Variants in ESCO1 observed in about 807,000 individuals in gnomAD.
ESCO1 encodes N-acetyltransferase ESCO1.
A neutral mutation model predicts 83.5 loss-of-function variants in ESCO1; 33 were observed. The observed-to-expected ratio is 0.40, with a 90% CI of 0.30 to 0.53. ESCO1 has a LOEUF of 0.53. Among genes scored for constraint, ESCO1 ranks in the 20% least tolerant of loss-of-function variants. The probability of loss-of-function intolerance (pLI) is 0.63; values close to 1 mark genes in which losing one functional copy is unlikely to be tolerated. For missense variants in ESCO1, 855 were observed against 968.0 expected (o/e 0.88, Z 1.55); for synonymous variants, 332 against 324.3 (o/e 1.02, Z -0.25).
chr18:21,544,184 G>C (rs1047784244), intron 8 of ESCO1, among the ~76,000 whole-genome samples: 1 of 152,156 alleles, frequency 6.6e-6, no homozygotes, highest in Non-Finnish European at 1.5e-5. Flanking sequence ...TGAGGCAGGA[G>C]AATTGCTTGA....
intron 2 of ESCO1, among the ~76,000 whole-genome samples, chr18:21,580,399 A>G (rs1475111099): frequency 1.3e-5 from 2 of 152,198 alleles, no homozygotes. Context: ...AGATAATGGG[A>G]AAATTATTCA....
chr18:21,539,818 A>T, intron 9 of ESCO1, 102 bp downstream of exon 9: 4 of 944,786 alleles, frequency 4.2e-6, no homozygotes, highest in Non-Finnish European at 6.6e-6. Flanking sequence ...ACTGCACTCC[A>T]GCCTGAGCGA....
chr18:21,560,003 C>T (rs2146197099), intron 8 of ESCO1, among the ~76,000 whole-genome samples: 1 of 151,802 alleles, frequency 6.6e-6, no homozygotes, highest in African/African-American at 2.4e-5. Flanking sequence ...CCAATAAAGA[C>T]CTTTAAATAA....
At chr18:21,590,074 G>A (rs1479798690) in intron 1 of ESCO1, among the ~76,000 whole-genome samples, 1 of 151,892 alleles carries the variant, frequency 6.6e-6, no homozygotes, top group African/African-American at 2.4e-5. Flanking sequence ...TGATCCACCC[G>A]TGTCGGCCTC....
At chr18:21,541,690 T>C (rs2037910502) in intron 8 of ESCO1, among the ~76,000 whole-genome samples, 1 of 152,102 alleles carries the variant, frequency 6.6e-6, no homozygotes, top group African/African-American at 2.4e-5. Flanking sequence ...ACATCACCTC[T>C]TTAAAAACAA....
chr18:21,546,996 C>T (rs893183260), intron 8 of ESCO1, among the ~76,000 whole-genome samples: 3 of 152,186 alleles, frequency 2.0e-5, no homozygotes, highest in Admixed American at 6.5e-5. Context: ...TTTGCCTGGC[C>T]TTTCACATAC....
At chr18:21,581,473 T>C (rs1483981474) in intron 2 of ESCO1, among the ~76,000 whole-genome samples, 1 of 151,762 alleles carries the variant, frequency 6.6e-6, no homozygotes, top group East Asian at 1.9e-4. Context: ...TAGCTGGGCA[T>C]GGTCATGGGC....
intron 7 of ESCO1, 104 bp downstream of exon 7, chr18:21,564,099 T>C: frequency 6.4e-6 from 5 of 777,276 alleles, no homozygotes; most frequent in Non-Finnish European, 1.0e-5. Flanking sequence ...ATAAACCTCT[T>C]TTCTATAAAA....
chr18:21,554,674 C>T (rs1256904971), intron 8 of ESCO1, among the ~76,000 whole-genome samples: 3 of 152,044 alleles, frequency 2.0e-5, no homozygotes, highest in Admixed American at 1.3e-4. Flanking sequence ...CTTTGGGAGA[C>T]GGAGGGGGCA....
chr18:21,593,144 C>T (rs571928781), intron 1 of ESCO1: 1,854 of 169,038 alleles, frequency 0.011, 14 homozygotes, highest in Non-Finnish European at 0.014. Flanking sequence ...ACATCCCAGA[C>T]GATGGGTGGC....
intron 8 of ESCO1, 41 bp from the exon 9 acceptor site, chr18:21,540,050 T>C (rs1205493778): frequency 6.9e-7 from 1 of 1,456,866 alleles, no homozygotes; most frequent in Middle Eastern, 2.1e-4. Flanking sequence ...ATGTAAAGTA[T>C]GAATTTTATG....
Position 21,560,939 on chromosome 18 carries a change from G to A in ESCO1, c.1873C>T (p.Leu625=), listed in dbSNP as rs768834968. The A allele has an allele frequency of 1.2e-6, 2 of 1,607,180 alleles. No individual in the cohort carries two copies. The highest frequency in any genetic ancestry group is 1.7e-5 in the Admixed American group (1 of 58,958). Residue 625 remains leucine, a synonymous_variant, in exon 8 of 12, where the codon CTG becomes TTG. Transcript: ENST00000269214. ...TCTTCTGGATTTGAAGCTGTATACAGCATTCCACAAACATTACAAGAAACT... is the reference window on the plus strand; with the variant it reads ...TCTTCTGGATTTGAAGCTGTATACAACATTCCACAAACATTACAAGAAACT... The part of the protein sequence containing the change: ...GAVSCNVCGM[L]YTASNPEDET...
chr18:21,577,172 T>C lies in ESCO1; in HGVS notation c.-693-1395A>G, dbSNP rs572773929. On this transcript the variant is annotated intron_variant, in intron 2 of 11. Transcript: ENST00000269214. ...GAGCTCAAGACTAGCCTGGCCAACATGGTGAAACCCTATCTCTACTAAAAA... is the reference window on the plus strand; with the variant it reads ...GAGCTCAAGACTAGCCTGGCCAACACGGTGAAACCCTATCTCTACTAAAAA... Among the ~76,000 whole-genome samples the C allele has an allele frequency of 2.6e-5, 4 of 151,038 alleles. No homozygotes were observed. In the East Asian group the frequency reaches 7.8e-4, roughly 30 times the overall value.
rs770222976 is a variant in ESCO1 at position 21,536,196 on chromosome 18, A to C, written c.2044-11T>G. 1 of 1,604,350 alleles carries C rather than the reference A, an allele frequency of 6.2e-7. No individual in the cohort carries two copies. The highest frequency in any genetic ancestry group is 8.5e-7 in the Non-Finnish European group (1 of 1,177,062). The stretch of plus-strand genomic sequence containing the variant: ...TCTAATCTCGTCAACCTGCCAAATA[A>C]AGAACAGTAATTATTTTTAAATGAA... On this transcript the variant is annotated splice_polypyrimidine_tract_variant and intron_variant, in intron 9 of 11. Transcript: ENST00000269214.
chr18:21,552,177 T>C (rs539648559), intron 8 of ESCO1, among the ~76,000 whole-genome samples: 53 of 152,264 alleles, frequency 3.5e-4, no homozygotes, highest in African/African-American at 1.2e-3. Context: ...CAACACAAAA[T>C]TGAAGAACAA....
At position 21,556,091 on chromosome 18, in the gene ESCO1, C is replaced by CA. The variant is rs1430000057; in HGVS notation, c.1953+4767dup. Among the ~76,000 whole-genome samples, 5 of 150,580 alleles carry CA rather than the reference C, an allele frequency of 3.3e-5. No individual in the cohort carries two copies. In the East Asian group the frequency reaches 8.0e-4, roughly 24 times the overall value. On this transcript the variant is annotated intron_variant, in intron 8 of 11. Coordinates refer to ENST00000269214, the MANE Select transcript of ESCO1 (RefSeq NM_052911.3). ...GCAACATGGTGAAACTCTGTCTCTA[C>CA]AAAAAATACAAAAATTAGCCAGGCA...
Position 21,536,110 on chromosome 18 carries a change from T to C in ESCO1, c.2119A>G (p.Lys707Glu). 6.2e-7 allele frequency: 1 copy of C among 1,614,184 alleles called. No individual in the cohort carries two copies. The highest frequency in any genetic ancestry group is 8.5e-7 in the Non-Finnish European group (1 of 1,180,016). The change falls in exon 10 of 12, where the codon AAA (lysine) becomes GAA (glutamate). Residue 707 changes from lysine (K) to glutamate (E), a missense_variant. Around this residue, in one of 2 missense-constraint regions of ESCO1, gnomAD observed 129 missense variants for 268.5 expected, o/e 0.48. Coordinates refer to ENST00000269214, the MANE Select transcript of ESCO1 (RefSeq NM_052911.3). ...QAPLMCYSRT[K>E]TLLFISNDKK... ...TCATTGGAAATGAAGAGAAGTGTTT[T>C]AGTTCTGGAATAGCACATTAGTGGA...
At chr18:21,588,242 T>C (rs1055424839) in intron 1 of ESCO1, among the ~76,000 whole-genome samples, 2 of 151,978 alleles carry the variant, frequency 1.3e-5, no homozygotes, top group South Asian at 2.1e-4. Context: ...TGACACAAAA[T>C]AGACCAGAAT....
At chr18:21,557,078 G>A (rs1342367110) in intron 8 of ESCO1, among the ~76,000 whole-genome samples, 1 of 151,814 alleles carries the variant, frequency 6.6e-6, no homozygotes, top group Admixed American at 6.6e-5. Flanking sequence ...CACTATACAT[G>A]CCTAATATGT....
Sources: gnomAD v4.1 joint callset for allele counts (sites outside exome capture counted in the v4.1 genomes callset) on GRCh38, gnomAD v4.1.1 for gene constraint, gnomAD v4.1.1 regional missense constraint, MANE v1.5 for transcripts, NCBI Gene and HGNC (gene_info 2026-07-23, HGNC 2026-07-21) for gene names.